The following RAP1A variants were observed in gnomAD, a reference collection of about 807,000 sequenced individuals.
The protein encoded by RAP1A is RAP1A, member of RAS oncogene family, also known as ras-related protein Rap-1A.
In RAP1A, 6 loss-of-function variants were observed where a neutral mutation model predicts 26.4. The ratio of observed to expected loss-of-function variants is 0.23; its 90% CI spans 0.12 to 0.45. The LOEUF (loss-of-function observed/expected upper bound fraction) is 0.45, where lower values mean the gene tolerates loss of function less well. Ranked by LOEUF, RAP1A falls within the 20% of genes least tolerant of loss-of-function variation. The pLI, the probability that RAP1A is intolerant of heterozygous loss-of-function variation, is 0.99. For missense variants in RAP1A, 121 were observed against 217.2 expected (o/e 0.56, Z 2.78); for synonymous variants, 73 against 79.4 (o/e 0.92, Z 0.43).
At position 111,619,899 on chromosome 1, in the gene RAP1A, AGGTG is replaced by A; in HGVS notation, c.-61_-58del. The A allele has an allele frequency of 4.4e-6, 1 of 225,226 alleles. No homozygotes were observed. The highest frequency in any genetic ancestry group is 8.1e-6 in the Non-Finnish European group (1 of 123,008). The allele number at this position is 225,226 out of a possible 1,614,324, so 14.0% of individuals were successfully genotyped here. On this transcript the variant is annotated 5_prime_UTR_variant, in exon 1 of 8. Transcript: ENST00000369709. ...GAGGAGGAGGAGGAGGAGGTGGAGGAGGTGGAGGAGGTGGAGGAGGCGCCGGACC... is the reference window on the plus strand; with the variant it reads ...GAGGAGGAGGAGGAGGAGGTGGAGGAGAGGAGGTGGAGGAGGCGCCGGACC...
At chr1:111,544,352 A>G (rs1656959642) in intron 1 of RAP1A, among the ~76,000 whole-genome samples, 1 of 152,128 alleles carries the variant, frequency 6.6e-6, no homozygotes, top group Non-Finnish European at 1.5e-5. Flanking sequence ...AGTATTTCCC[A>G]TATTTCCCAA....
chr1:111,549,585 G>A (rs1657176878), intron 1 of RAP1A, among the ~76,000 whole-genome samples: 1 of 151,442 alleles, frequency 6.6e-6, no homozygotes, highest in Non-Finnish European at 1.5e-5. Flanking sequence ...AGGAGGCGGA[G>A]GTTGTGGTGA....
chr1:111,659,523 T>C (rs986706353), intron 1 of RAP1A, among the ~76,000 whole-genome samples: 5 of 151,864 alleles, frequency 3.3e-5, no homozygotes, highest in Non-Finnish European at 7.4e-5. Context: ...TTTTTTTTTT[T>C]TCTCTTATTA....
In RAP1A at chr1:111,675,991, G is replaced by A. The variant is rs1661112920; in HGVS notation, c.-27-15343G>A. On this transcript the variant is annotated intron_variant, in intron 1 of 7. Transcript: ENST00000369709. ...AGACTTATTCACTACCACAAGAACAGTATAGGAGAAACTGCCCCCATGATT... is the reference window on the plus strand; with the variant it reads ...AGACTTATTCACTACCACAAGAACAATATAGGAGAAACTGCCCCCATGATT... Among the ~76,000 whole-genome samples, 3 of 152,190 alleles carry A rather than the reference G, an allele frequency of 2.0e-5. No homozygotes were observed. The South Asian group carries it at 6.2e-4, about 32-fold the overall frequency.
chr1:111,544,716 C>A (rs1337912), intron 1 of RAP1A, among the ~76,000 whole-genome samples: 79,497 of 151,256 alleles, frequency 0.53, 21,303 homozygotes, highest in East Asian at 0.66. Flanking sequence ...ACATTCAAAA[C>A]GTACATGAAC....
intron 4 of RAP1A, among the ~76,000 whole-genome samples, 174 bp from the exon 5 acceptor site, chr1:111,703,162 A>G (rs1401809341): frequency 6.6e-6 from 1 of 152,212 alleles, no homozygotes; most frequent in Admixed American, 6.5e-5. Flanking sequence ...ATTCTAGTTT[A>G]CTGTCATTGT....
chr1:111,635,638 T>G (rs544397825), intron 1 of RAP1A, among the ~76,000 whole-genome samples: 1 of 152,152 alleles, frequency 6.6e-6, no homozygotes, highest in East Asian at 1.9e-4. Context: ...CAATCTCTGC[T>G]CACTGCAACC....
intron 7 of RAP1A, among the ~76,000 whole-genome samples, chr1:111,710,766 C>T (rs1662359204): frequency 6.6e-6 from 1 of 152,206 alleles, no homozygotes; most frequent in Non-Finnish European, 1.5e-5. Context: ...CTCTGGTAGT[C>T]AGATTTAGGA....
chr1:111,573,410 A>C (rs770522121), intron 1 of RAP1A, among the ~76,000 whole-genome samples: 2 of 151,844 alleles, frequency 1.3e-5, no homozygotes, highest in African/African-American at 2.4e-5. Context: ...TTATTTTTTA[A>C]CTTTTTTTTT....
At chr1:111,624,879 A>C (rs1251157815) in intron 1 of RAP1A, among the ~76,000 whole-genome samples, 1 of 152,200 alleles carries the variant, frequency 6.6e-6, no homozygotes, top group Non-Finnish European at 1.5e-5. Context: ...TTTTAAAAGC[A>C]CTAATGACTT....
At chr1:111,546,992 T>A (rs1417940195) in intron 1 of RAP1A, among the ~76,000 whole-genome samples, 1 of 152,198 alleles carries the variant, frequency 6.6e-6, no homozygotes, top group African/African-American at 2.4e-5. Flanking sequence ...GAGTGTAAAG[T>A]GGAACAATGC....
At chr1:111,658,472 T>A (rs1660534079) in intron 1 of RAP1A, among the ~76,000 whole-genome samples, 1 of 152,198 alleles carries the variant, frequency 6.6e-6, no homozygotes, top group East Asian at 1.9e-4. Flanking sequence ...CATTGTTGTC[T>A]GTTAAAAAAA....
At chr1:111,542,290 G>T in exon 1 of RAP1A, 1 of 552,166 alleles carries the variant, frequency 1.8e-6, no homozygotes, top group South Asian at 1.4e-5. Flanking sequence ...CTGCCGGTTC[G>T]AACACACGCG....
chr1:111,636,016 A>G (rs1175245376), intron 1 of RAP1A, among the ~76,000 whole-genome samples: 1 of 152,090 alleles, frequency 6.6e-6, no homozygotes, highest in Admixed American at 6.5e-5. Flanking sequence ...AGGTAGTTTC[A>G]TTGTTTATGT....
At chr1:111,686,210 A>C (rs1464300807) in intron 1 of RAP1A, among the ~76,000 whole-genome samples, 1 of 152,194 alleles carries the variant, frequency 6.6e-6, no homozygotes, top group East Asian at 1.9e-4. Context: ...CCACCATGGC[A>C]CATGTATACC....
intron 1 of RAP1A, among the ~76,000 whole-genome samples, chr1:111,620,445 G>C (rs945184131): frequency 1.3e-5 from 2 of 152,206 alleles, no homozygotes; most frequent in African/African-American, 4.8e-5. Flanking sequence ...GGGGGCGGGG[G>C]GGAGGGACAC....
At chr1:111,681,013 G>T (rs1661276288) in intron 1 of RAP1A, among the ~76,000 whole-genome samples, 2 of 152,234 alleles carry the variant, frequency 1.3e-5, no homozygotes, top group African/African-American at 4.8e-5. Flanking sequence ...TTGGGAGGCT[G>T]AGGCAGACGG....
In RAP1A at chr1:111,646,497, A is replaced by AGAAT. The variant is rs574379334; in HGVS notation, c.-28+26577_-28+26580dup. Among the ~76,000 whole-genome samples, 561 of 151,916 alleles carry AGAAT rather than the reference A, an allele frequency of 3.7e-3. 4 individuals are homozygous for AGAAT. Among genetic ancestry groups the AGAAT allele is most frequent in the African/African-American group, 0.013 (540 of 41,432 alleles). ...TGAGCAATTGCAGACTAAGGGAATA[A>AGAAT]GAATGAATGAATGAATGCATCCATT... is the stretch of plus-strand genomic sequence containing the variant. On this transcript the variant is annotated intron_variant, in intron 1 of 7. Transcript: ENST00000369709.
intron 1 of RAP1A, among the ~76,000 whole-genome samples, chr1:111,601,854 A>G (rs1355630524): frequency 6.6e-6 from 1 of 152,204 alleles, no homozygotes; most frequent in Non-Finnish European, 1.5e-5. Flanking sequence ...GGCATGTGAT[A>G]AGCCCTCAAT....
Sources: allele counts gnomAD v4.1 joint callset (sites outside exome capture counted in the v4.1 genomes callset), GRCh38; gene constraint gnomAD v4.1.1; transcripts MANE v1.5; gene names NCBI Gene and HGNC (gene_info 2026-07-23, HGNC 2026-07-21).